Variants in CCDC158 observed in about 807,000 individuals in gnomAD.
CCDC158 encodes the protein coiled-coil domain-containing protein 158.
In CCDC158, 116 loss-of-function variants were observed where a neutral mutation model predicts 138.6. The observed-to-expected ratio is 0.84, with a 90% confidence interval of 0.72 to 0.98. The LOEUF (loss-of-function observed/expected upper bound fraction) is 0.98. Among genes scored for constraint, CCDC158 ranks in the 50% least tolerant of loss-of-function variants. The probability of loss-of-function intolerance (pLI) is 0.00; values close to 1 mark genes in which losing one functional copy is unlikely to be tolerated. For synonymous variants in CCDC158, 436 were observed against 442.4 expected (o/e 0.99, Z 0.18); for missense variants, 1,265 against 1,306.1 (o/e 0.97, Z 0.48).
intron 8 of CCDC158, among the ~76,000 whole-genome samples, chr4:76,381,481 T>C (rs778713195): frequency 1.3e-5 from 2 of 152,268 alleles, no homozygotes; most frequent in Non-Finnish European, 2.9e-5. Flanking sequence ...CCCTTTGTTT[T>C]GGCCTATTTT....
intron 1 of CCDC158, among the ~76,000 whole-genome samples, chr4:76,418,797 T>C (rs1729894227): frequency 6.6e-6 from 1 of 152,126 alleles, no homozygotes; most frequent in Admixed American, 6.5e-5. Context: ...AAGATGAGAT[T>C]TGGGTGGGGA....
At chr4:76,405,122 T>C (rs543672324) in intron 2 of CCDC158, among the ~76,000 whole-genome samples, 2 of 152,038 alleles carry the variant, frequency 1.3e-5, no homozygotes, top group African/African-American at 4.8e-5. Context: ...TTAAAGATAA[T>C]GAAAAAATCC....
At chr4:76,343,310 A>C (rs935401749) in intron 18 of CCDC158, among the ~76,000 whole-genome samples, 2 of 152,120 alleles carry the variant, frequency 1.3e-5, no homozygotes, top group Non-Finnish European at 2.9e-5. Flanking sequence ...GCATTACCTA[A>C]CCATCTACCA....
chr4:76,341,633 T>C (rs1457277956), intron 18 of CCDC158, among the ~76,000 whole-genome samples: 4 of 152,218 alleles, frequency 2.6e-5, no homozygotes, highest in African/African-American at 9.6e-5. Context: ...TATGTTAAAA[T>C]AGCCTGTATT....
chr4:76,385,936 G>A (rs1439233782), intron 4 of CCDC158, among the ~76,000 whole-genome samples: 6 of 152,178 alleles, frequency 3.9e-5, no homozygotes, highest in South Asian at 4.1e-4. Context: ...TCTCAGTAGC[G>A]ATACTGAATG....
intron 18 of CCDC158, among the ~76,000 whole-genome samples, chr4:76,336,480 T>A (rs960966814): frequency 2.6e-5 from 4 of 152,188 alleles, no homozygotes; most frequent in African/African-American, 9.6e-5. Flanking sequence ...CCAACTCCCA[T>A]ATCAAAAGTG....
At chr4:76,390,158 T>G (rs1727184839) in intron 4 of CCDC158, among the ~76,000 whole-genome samples, 1 of 152,098 alleles carries the variant, frequency 6.6e-6, no homozygotes. Context: ...AAGCCATAGA[T>G]AGTACAATAA....
chr4:76,323,109 G>A (rs1720186738), intron 24 of CCDC158, among the ~76,000 whole-genome samples, 193 bp downstream of exon 24: 1 of 152,136 alleles, frequency 6.6e-6, no homozygotes, highest in Admixed American at 6.6e-5. Flanking sequence ...GTATAGCAGG[G>A]CAAGAGTGAC....
intron 2 of CCDC158, among the ~76,000 whole-genome samples, chr4:76,410,658 T>C (rs554970743): frequency 2.9e-4 from 44 of 152,332 alleles, no homozygotes; most frequent in Non-Finnish European, 5.4e-4. Flanking sequence ...AGTCTGCAGG[T>C]ATGTTTTCCT....
chr4:76,362,754 A>T (rs190219163), intron 12 of CCDC158, among the ~76,000 whole-genome samples: 1 of 152,250 alleles, frequency 6.6e-6, no homozygotes, highest in African/African-American at 2.4e-5. Context: ...TGGGCACCTC[A>T]GTTACCTCAC....
At chr4:76,321,300 A>G (rs1256894219) in intron 24 of CCDC158, among the ~76,000 whole-genome samples, 1 of 152,094 alleles carries the variant, frequency 6.6e-6, no homozygotes, top group Non-Finnish European at 1.5e-5. Flanking sequence ...TGGATGTGGT[A>G]AAAAGGGAAC....
rs144485987 is a variant in CCDC158 at position 76,330,483 on chromosome 4, G to A, written c.2942+861C>T. Among the ~76,000 whole-genome samples the A allele has an allele frequency of 2.0e-3, 304 of 152,046 alleles. 2 individuals are homozygous for A. Among genetic ancestry groups the A allele is most frequent in the Non-Finnish European group, 8.1e-4 (55 of 67,976 alleles). On this transcript the variant is annotated intron_variant, in intron 21 of 24. Transcript: ENST00000682701. ...ATAGTATCATATACCCAGGTGAGAC[G>A]GAAATAAAAACAACATTTCTTTTAG...
At position 76,355,378 on chromosome 4, in the gene CCDC158, A is replaced by G. The variant is rs770181785; in HGVS notation, c.2232T>C (p.Asp744=). The change falls in exon 15 of 25, where the codon GAT becomes GAC. Residue 744 remains aspartate, a synonymous_variant. Coordinates refer to ENST00000682701, the MANE Select transcript of CCDC158 (RefSeq NM_001394954.1). The part of the protein sequence containing the change: ...KQITAKRGQI[D]ALQSKIQFLE... The stretch of plus-strand genomic sequence containing the variant: ...AAAACTGTATCTTGCTCTGAAGGGC[A>G]TCTATCTGACCTCTTTTGGCTGTGA... 5 of 1,613,894 alleles carry G rather than the reference A, an allele frequency of 3.1e-6. No individual in the cohort carries two copies. Among genetic ancestry groups the G allele is most frequent in the Non-Finnish European group, 4.2e-6 (5 of 1,179,986 alleles).
chr4:76,402,714 G>A (rs1728505692), intron 3 of CCDC158, among the ~76,000 whole-genome samples: 1 of 152,192 alleles, frequency 6.6e-6, no homozygotes, highest in Non-Finnish European at 1.5e-5. Context: ...CACCAGTAAT[G>A]GAAATGGAGA....
chr4:76,370,792 C>T (rs2110252843), intron 10 of CCDC158, among the ~76,000 whole-genome samples: 1 of 152,318 alleles, frequency 6.6e-6, no homozygotes, highest in African/African-American at 2.4e-5. Flanking sequence ...AGCTTCTCTA[C>T]ACAGCTCTCA....
At chr4:76,361,020 T>G (rs1237385665) in intron 13 of CCDC158, among the ~76,000 whole-genome samples, 1 of 152,146 alleles carries the variant, frequency 6.6e-6, no homozygotes. Context: ...GACTGGATCA[T>G]GGGGGCGGAT....
intron 2 of CCDC158, 39 bp from the exon 3 acceptor site, chr4:76,403,319 C>T: frequency 1.6e-6 from 1 of 643,538 alleles, no homozygotes; most frequent in South Asian, 2.5e-5. Flanking sequence ...TAACAAGGTA[C>T]TATGTGAAAA....
chr4:76,330,843 T>G (rs576681934), intron 21 of CCDC158, among the ~76,000 whole-genome samples: 2 of 152,094 alleles, frequency 1.3e-5, no homozygotes, highest in Non-Finnish European at 2.9e-5. Flanking sequence ...CTGGAACAAA[T>G]CCCCCATGGA....
At chr4:76,409,659 G>A (rs1324416760) in intron 2 of CCDC158, among the ~76,000 whole-genome samples, 4 of 151,828 alleles carry the variant, frequency 2.6e-5, no homozygotes, top group Admixed American at 1.3e-4. Flanking sequence ...GTGAAACCTC[G>A]TCTCTACTAA....
Sources: allele counts gnomAD v4.1 joint callset (sites outside exome capture counted in the v4.1 genomes callset), GRCh38; gene constraint gnomAD v4.1.1; transcripts MANE v1.5; gene names NCBI Gene and HGNC (gene_info 2026-07-23, HGNC 2026-07-21).